The following SLC9B1 variants were observed in gnomAD, a reference collection of about 807,000 sequenced individuals.
The protein encoded by SLC9B1 is sodium/hydrogen exchanger 9B1.
In SLC9B1, 32 loss-of-function variants were observed where a neutral mutation model predicts 51.7. The ratio of observed to expected loss-of-function variants is 0.62; its 90% CI spans 0.47 to 0.83. The LOEUF (loss-of-function observed/expected upper bound fraction) is 0.83, where lower values mean the gene tolerates loss of function less well. Among genes scored for constraint, SLC9B1 ranks in the 40% least tolerant of loss-of-function variants. The pLI is 0.00. For missense variants in SLC9B1, 406 were observed against 613.2 expected (o/e 0.66, Z 3.57); for synonymous variants, 145 against 212.7 (o/e 0.68, Z 2.77).
chr4:102,932,483 C>T (rs977974689), intron 6 of SLC9B1, among the ~76,000 whole-genome samples, 184 bp from the exon 7 acceptor site: 8 of 152,166 alleles, frequency 5.3e-5, no homozygotes, highest in African/African-American at 1.9e-4. Context: ...AAATTTTATA[C>T]AGATGTGGTT....
intron 7 of SLC9B1, among the ~76,000 whole-genome samples, chr4:102,928,291 T>C (rs1285141714): frequency 1.3e-5 from 2 of 152,162 alleles, no homozygotes; most frequent in Non-Finnish European, 2.9e-5. Flanking sequence ...GTTTCAAAGT[T>C]CCATAAATCT....
intron 4 of SLC9B1, among the ~76,000 whole-genome samples, chr4:102,947,973 G>C (rs1429562979): frequency 6.6e-6 from 1 of 152,152 alleles, no homozygotes; most frequent in Non-Finnish European, 1.5e-5. Context: ...ATGAGTGATG[G>C]TGGTTATAGC....
chr4:102,931,284 C>CAG (rs964321026), intron 7 of SLC9B1, among the ~76,000 whole-genome samples: 1 of 139,488 alleles, frequency 7.2e-6, no homozygotes, highest in Non-Finnish European at 1.5e-5. Flanking sequence ...GAATATTTGA[C>CAG]AGAGAGAGAG....
At chr4:102,904,843 G>A (rs574266830) in intron 11 of SLC9B1, among the ~76,000 whole-genome samples, 1 of 152,130 alleles carries the variant, frequency 6.6e-6, no homozygotes, top group Non-Finnish European at 1.5e-5. Flanking sequence ...TTAGCTGGGT[G>A]TGGTAGTGTG....
At chr4:102,980,493 C>G (rs1739295988) in intron 3 of SLC9B1, among the ~76,000 whole-genome samples, 1 of 152,038 alleles carries the variant, frequency 6.6e-6, no homozygotes, top group African/African-American at 2.4e-5. Flanking sequence ...AATGCAGAAA[C>G]AGAAAACCAA....
At chr4:102,929,463 T>C (rs1370500359) in intron 7 of SLC9B1, among the ~76,000 whole-genome samples, 2 of 152,218 alleles carry the variant, frequency 1.3e-5, no homozygotes, top group Non-Finnish European at 2.9e-5. Context: ...TAAAAGCTAA[T>C]GTTGTTGCCT....
chr4:102,977,223 G>T (rs1443573485), intron 3 of SLC9B1, among the ~76,000 whole-genome samples: 1 of 148,558 alleles, frequency 6.7e-6, no homozygotes, highest in East Asian at 2.0e-4. Context: ...CTGAATAACA[G>T]CATGAAGAAA....
In SLC9B1 at chr4:102,906,661, T is replaced by C. The variant is rs2110427591; in HGVS notation, c.1087-17A>G. On this transcript the variant is annotated splice_polypyrimidine_tract_variant and intron_variant, in intron 9 of 11. Coordinates refer to ENST00000296422, the MANE Select transcript of SLC9B1 (RefSeq NM_139173.4). ...GACTTTCATCTATAGAAAAGAGAAATACATTTATAATGATTTTGGCACATA... is the reference window on the plus strand; with the variant it reads ...GACTTTCATCTATAGAAAAGAGAAACACATTTATAATGATTTTGGCACATA... 6.5e-6 allele frequency: 9 copies of C among 1,390,198 alleles called. No homozygotes were observed. The highest frequency in any genetic ancestry group is 9.0e-6 in the Non-Finnish European group (9 of 1,003,936). The allele number at this position is 1,390,198 out of a possible 1,614,324, so 86.1% of individuals were successfully genotyped here.
chr4:103,018,589 C>T (rs542696737), intron 1 of SLC9B1, among the ~76,000 whole-genome samples: 1 of 152,202 alleles, frequency 6.6e-6, no homozygotes, highest in Admixed American at 6.5e-5. Flanking sequence ...GTGTGGCCTC[C>T]CTCAGTGCCA....
chr4:102,976,278 C>T (rs966316777), intron 3 of SLC9B1, among the ~76,000 whole-genome samples: 51 of 152,114 alleles, frequency 3.4e-4, no homozygotes, highest in Admixed American at 1.9e-3. Flanking sequence ...TACTAGCCTA[C>T]GTAATATTCT....
intron 6 of SLC9B1, 75 bp from the exon 7 acceptor site, chr4:102,932,374 T>C (rs573192653): frequency 2.4e-6 from 3 of 1,250,360 alleles, no homozygotes; most frequent in African/African-American, 1.5e-5. Context: ...AAGTAGTTTA[T>C]AATAACTTTA....
chr4:103,007,581 C>G (rs1740850016), intron 1 of SLC9B1, among the ~76,000 whole-genome samples: 1 of 143,678 alleles, frequency 7.0e-6, no homozygotes, highest in South Asian at 2.2e-4. Flanking sequence ...AATTTACAAT[C>G]TCTTGTCATC....
chr4:102,889,485 T>A (rs1377245532), intron 11 of SLC9B1: 1 of 152,216 alleles, frequency 6.6e-6, no homozygotes, highest in African/African-American at 2.4e-5. Context: ...TAACTTAGAT[T>A]TTACAGGAGG....
At chr4:102,958,533 C>T (rs193196997) in intron 3 of SLC9B1, among the ~76,000 whole-genome samples, 29 of 152,288 alleles carry the variant, frequency 1.9e-4, no homozygotes, top group Middle Eastern at 3.4e-3. Flanking sequence ...TGCCTGTAGT[C>T]CCAGCTACTT....
At chr4:102,945,149 C>T (rs763810842) in intron 6 of SLC9B1, 44 bp downstream of exon 6, 11 of 1,507,304 alleles carry the variant, frequency 7.3e-6, no homozygotes, top group South Asian at 6.7e-5. Flanking sequence ...AATGAAGCAT[C>T]CTTAATTGAA....
chr4:102,987,027 G>T (rs1371729241), intron 3 of SLC9B1, among the ~76,000 whole-genome samples: 2 of 152,028 alleles, frequency 1.3e-5, no homozygotes, highest in Non-Finnish European at 2.9e-5. Context: ...GTAAATTTTA[G>T]TTGAAAGATA....
At chr4:102,981,091 G>A (rs556190808) in intron 3 of SLC9B1, among the ~76,000 whole-genome samples, 14 of 152,158 alleles carry the variant, frequency 9.2e-5, no homozygotes, top group African/African-American at 3.4e-4. Flanking sequence ...AGTTGGACTC[G>A]CACAGAATGT....
At chr4:102,992,584 G>GT (rs1466601507) in intron 1 of SLC9B1, among the ~76,000 whole-genome samples, 2 of 152,124 alleles carry the variant, frequency 1.3e-5, no homozygotes, top group Non-Finnish European at 2.9e-5. Flanking sequence ...CCATAATGAA[G>GT]TAAAATATTA....
intron 7 of SLC9B1, among the ~76,000 whole-genome samples, chr4:102,923,582 G>A (rs1310126909): frequency 6.6e-6 from 1 of 152,084 alleles, no homozygotes; most frequent in Admixed American, 6.6e-5. Flanking sequence ...GGAAGAGAAT[G>A]AAATAAAGGG....
Sources: allele counts gnomAD v4.1 joint callset (sites outside exome capture counted in the v4.1 genomes callset), GRCh38; gene constraint gnomAD v4.1.1; transcripts MANE v1.5; gene names NCBI Gene and HGNC (gene_info 2026-07-23, HGNC 2026-07-21).